The following ME3 variants were observed in gnomAD, a reference collection of about 807,000 sequenced individuals.
ME3 encodes the protein malic enzyme 3.
In ME3, 48 loss-of-function variants were observed where a neutral mutation model predicts 68.9. The ratio of observed to expected loss-of-function variants is 0.70; its 90% CI spans 0.55 to 0.89. The LOEUF (loss-of-function observed/expected upper bound fraction) is 0.89. ME3 is among the 40% of genes least tolerant of loss of function. The probability of loss-of-function intolerance (pLI) is 0.00; values close to 1 mark genes in which losing one functional copy is unlikely to be tolerated. For missense variants in ME3, 675 were observed against 797.4 expected (o/e 0.85, Z 1.85); for synonymous variants, 320 against 318.8 (o/e 1.00, Z -0.04).
chr11:86,657,901 A>T (rs775390582), intron 2 of ME3, among the ~76,000 whole-genome samples: 1 of 152,150 alleles, frequency 6.6e-6, no homozygotes, highest in Non-Finnish European at 1.5e-5. Context: ...CATTGGGTGG[A>T]TGGATGGATG....
intron 2 of ME3, among the ~76,000 whole-genome samples, chr11:86,630,167 TGAA>T (rs1943922576): frequency 6.6e-6 from 1 of 152,170 alleles, no homozygotes; most frequent in African/African-American, 2.4e-5. Flanking sequence ...AATGTTCTTT[TGAA>T]GAAGAGAGTT....
At chr11:86,561,766 C>G (rs75844649) in intron 2 of ME3, among the ~76,000 whole-genome samples, 267 of 152,244 alleles carry the variant, frequency 1.8e-3, no homozygotes, top group African/African-American at 6.1e-3. Context: ...GTTCCTTTTG[C>G]CTTTAGTCTA....
chr11:86,663,957 T>G (rs1946438699), intron 2 of ME3, among the ~76,000 whole-genome samples: 1 of 152,252 alleles, frequency 6.6e-6, no homozygotes, highest in South Asian at 2.1e-4. Flanking sequence ...GTAATCTAGA[T>G]ATTGCTGTTT....
intron 4 of ME3, among the ~76,000 whole-genome samples, chr11:86,523,819 A>C (rs570445868): frequency 6.6e-6 from 1 of 152,278 alleles, no homozygotes; most frequent in African/African-American, 2.4e-5. Flanking sequence ...GGCGGAATAG[A>C]AGGAAATTTC....
At chr11:86,448,216 G>T (rs931039060) in exon 11 of ME3, 6 of 1,614,026 alleles carry the variant, frequency 3.7e-6, no homozygotes, top group Non-Finnish European at 5.1e-6. Context: ...GGATGGTCTT[G>T]GGCAAACATC....
chr11:86,464,999 G>C (rs3824952), intron 8 of ME3, 92 bp downstream of exon 8: 65,465 of 1,004,606 alleles, frequency 0.065, 3,371 homozygotes, highest in African/African-American at 0.21. Flanking sequence ...CAACTATGGG[G>C]TGACAGCCTT....
intron 11 of ME3, 106 bp downstream of exon 11, chr11:86,448,044 G>A: frequency 1.4e-6 from 1 of 727,688 alleles, no homozygotes; most frequent in South Asian, 1.7e-5. Flanking sequence ...AGGGGAAAGA[G>A]CTGTTTCCAT....
chr11:86,573,869 T>C (rs1957941200), intron 2 of ME3, among the ~76,000 whole-genome samples: 1 of 152,238 alleles, frequency 6.6e-6, no homozygotes, highest in Admixed American at 6.5e-5. Flanking sequence ...GAAGGCCTTT[T>C]CTGCATCTAT....
intron 2 of ME3, among the ~76,000 whole-genome samples, chr11:86,599,345 A>G (rs940057703): frequency 2.0e-5 from 3 of 152,222 alleles, no homozygotes; most frequent in African/African-American, 4.8e-5. Flanking sequence ...GGAAGAAAGG[A>G]TATCAGTGAT....
chr11:86,508,767 A>G, intron 5 of ME3, 25 bp downstream of exon 5: 1 of 1,579,744 alleles, frequency 6.3e-7, no homozygotes, highest in Non-Finnish European at 8.7e-7. Flanking sequence ...ACAATGATTA[A>G]ATAGCAATGA....
At chr11:86,572,194 A>C (rs1019205922) in intron 2 of ME3, among the ~76,000 whole-genome samples, 8 of 152,172 alleles carry the variant, frequency 5.3e-5, no homozygotes, top group African/African-American at 1.9e-4. Flanking sequence ...TGTTGCATCC[A>C]GTAAAGCTAT....
intron 4 of ME3, among the ~76,000 whole-genome samples, chr11:86,555,952 T>G (rs2139439708): frequency 6.6e-6 from 1 of 152,332 alleles, no homozygotes; most frequent in East Asian, 1.9e-4. Flanking sequence ...CACCAAGGAC[T>G]CTACCATTTT....
intron 2 of ME3, among the ~76,000 whole-genome samples, chr11:86,577,539 C>T (rs1958183998): frequency 6.6e-6 from 1 of 152,198 alleles, no homozygotes; most frequent in Non-Finnish European, 1.5e-5. Flanking sequence ...CTCCTAAAAC[C>T]TCACTTGGCA....
chr11:86,567,802 G>A lies in ME3; in HGVS notation c.184-7979C>T, dbSNP rs191180107. On this transcript the variant is annotated intron_variant, in intron 2 of 14. Transcript: ENST00000543262. ...AATGAAGGCACTGTAGTTGCACCAC[G>A]GCCTCCAACATAGGACAGGCACAAG... 3.5e-4 allele frequency among the ~76,000 whole-genome samples: 53 copies of A among 152,298 alleles called. No homozygotes were observed. In the East Asian group the frequency reaches 5.6e-3, roughly 16 times the overall value.
exon 3 of ME3, chr11:86,559,743 G>C (rs1389423143): frequency 1.9e-6 from 3 of 1,613,880 alleles, no homozygotes; most frequent in Non-Finnish European, 1.7e-6. Flanking sequence ...GGAGGAGCTG[G>C]ACGTCCTGGC....
chr11:86,671,692 G>C, intron 2 of ME3, 70 bp downstream of exon 2: 3 of 1,570,308 alleles, frequency 1.9e-6, no homozygotes, highest in South Asian at 2.3e-5. Context: ...TCTGGGTCCA[G>C]GGGGCGGGGC....
chr11:86,595,320 G>GAGAGAGAGAGAGAGAGAGAGAC (rs140478684), intron 2 of ME3, among the ~76,000 whole-genome samples: 1,604 of 138,598 alleles, frequency 0.012, 92 homozygotes, highest in Middle Eastern at 0.023. Flanking sequence ...GAGAGAGAGA[G>GAGAGAGAGAGAGAGAGAGAGAC]AGAGAGAGAG....
chr11:86,548,029 T>C (rs1956467876), intron 4 of ME3, among the ~76,000 whole-genome samples: 1 of 152,230 alleles, frequency 6.6e-6, no homozygotes, highest in Non-Finnish European at 1.5e-5. Context: ...GAAAACATAA[T>C]GTCTGCATTT....
At chr11:86,616,642 C>G (rs1942975812) in intron 2 of ME3, among the ~76,000 whole-genome samples, 1 of 152,134 alleles carries the variant, frequency 6.6e-6, no homozygotes, top group Non-Finnish European at 1.5e-5. Flanking sequence ...TAACTTCAGT[C>G]TAATAATGAG....
Sources: allele counts gnomAD v4.1 joint callset (sites outside exome capture counted in the v4.1 genomes callset), GRCh38; gene constraint gnomAD v4.1.1; transcripts MANE v1.5; gene names NCBI Gene and HGNC (gene_info 2026-07-23, HGNC 2026-07-21).